Variants in ALCAM observed in about 807,000 individuals in gnomAD.
The protein encoded by ALCAM is CD166 antigen.
Under a neutral mutation model 70.9 loss-of-function variants are expected in ALCAM, and 30 were observed. The ratio of observed to expected loss-of-function variants is 0.42; its 90% CI spans 0.32 to 0.57. The LOEUF (loss-of-function observed/expected upper bound fraction) is 0.57, where lower values mean the gene tolerates loss of function less well. ALCAM is among the 20% of genes least tolerant of loss of function. ALCAM has a pLI of 0.11. For synonymous variants in ALCAM, 249 were observed against 242.5 expected (o/e 1.03, Z -0.25); for missense variants, 591 against 695.1 (o/e 0.85, Z 1.68).
At chr3:105,422,615 C>T (rs1036239054) in intron 1 of ALCAM, among the ~76,000 whole-genome samples, 5 of 151,458 alleles carry the variant, frequency 3.3e-5, no homozygotes, top group African/African-American at 7.3e-5. Flanking sequence ...ATGTGTGCAA[C>T]ATGCTAAATG....
At chr3:105,504,300 G>C (rs1478579703) in intron 1 of ALCAM, among the ~76,000 whole-genome samples, 1 of 152,232 alleles carries the variant, frequency 6.6e-6, no homozygotes, top group Non-Finnish European at 1.5e-5. Flanking sequence ...TAGGCGGCTT[G>C]TGTTAACCAG....
At chr3:105,462,908 C>G (rs746129152) in intron 1 of ALCAM, among the ~76,000 whole-genome samples, 1 of 151,332 alleles carries the variant, frequency 6.6e-6, no homozygotes, top group African/African-American at 2.4e-5. Flanking sequence ...AGGTAGTTTT[C>G]CAAGACATAC....
At chr3:105,448,570 A>G (rs1937349999) in intron 1 of ALCAM, among the ~76,000 whole-genome samples, 1 of 152,186 alleles carries the variant, frequency 6.6e-6, no homozygotes, top group Non-Finnish European at 1.5e-5. Flanking sequence ...CAGTAGAAGT[A>G]TTAACAGGAC....
At chr3:105,545,750 T>C (rs1402862148) in intron 9 of ALCAM, among the ~76,000 whole-genome samples, 2 of 151,408 alleles carry the variant, frequency 1.3e-5, no homozygotes, top group African/African-American at 4.8e-5. Flanking sequence ...TATAAAGAAA[T>C]TGAAGGGAAA....
intron 14 of ALCAM, among the ~76,000 whole-genome samples, chr3:105,557,520 G>A (rs377543724): frequency 2.8e-4 from 43 of 151,986 alleles, no homozygotes; most frequent in African/African-American, 1.0e-3. Flanking sequence ...CTATATATTC[G>A]TTTCATTTTT....
chr3:105,525,039 A>G, intron 3 of ALCAM: 1 of 877,060 alleles, frequency 1.1e-6, no homozygotes, highest in Non-Finnish European at 1.4e-6. Context: ...CCACATACAA[A>G]TATTTTATAT....
intron 1 of ALCAM, among the ~76,000 whole-genome samples, chr3:105,371,196 CTTG>C (rs1016684428): frequency 2.8e-4 from 42 of 152,138 alleles, no homozygotes; most frequent in African/African-American, 9.9e-4. Context: ...ATTAAATAGT[CTTG>C]TGTTATTAGA....
chr3:105,552,369 G>C, intron 13 of ALCAM, 99 bp from the exon 14 acceptor site: 1 of 1,363,980 alleles, frequency 7.3e-7, no homozygotes, highest in African/African-American at 1.4e-5. Flanking sequence ...TTACTGTAGT[G>C]AGCTTTAGTC....
intron 1 of ALCAM, among the ~76,000 whole-genome samples, chr3:105,427,632 C>T (rs1417193106): frequency 6.6e-6 from 1 of 151,830 alleles, no homozygotes; most frequent in Non-Finnish European, 1.5e-5. Flanking sequence ...GGGCTCTTAA[C>T]CCCTGAGCTT....
chr3:105,436,277 T>G (rs1335808328), intron 1 of ALCAM, among the ~76,000 whole-genome samples: 1 of 152,208 alleles, frequency 6.6e-6, no homozygotes, highest in Non-Finnish European at 1.5e-5. Flanking sequence ...GCCAGTGTAT[T>G]TTAGGATGGC....
chr3:105,515,187 T>C (rs1047706187), intron 1 of ALCAM, among the ~76,000 whole-genome samples: 3 of 152,138 alleles, frequency 2.0e-5, no homozygotes, highest in African/African-American at 7.2e-5. Context: ...TCCATGTGAT[T>C]GAATCATAAA....
chr3:105,457,464 T>C (rs993021080), intron 1 of ALCAM, among the ~76,000 whole-genome samples: 2 of 152,138 alleles, frequency 1.3e-5, no homozygotes, highest in South Asian at 4.1e-4. Flanking sequence ...GCTTAATCCC[T>C]GGGGGATGAA....
At chr3:105,548,993 T>C (rs1940320445) in intron 11 of ALCAM, among the ~76,000 whole-genome samples, 1 of 151,376 alleles carries the variant, frequency 6.6e-6, no homozygotes, top group African/African-American at 2.4e-5. Flanking sequence ...GATATGAAGA[T>C]TTAAAAGACC....
intron 3 of ALCAM, among the ~76,000 whole-genome samples, chr3:105,528,018 T>C (rs768820231): frequency 3.3e-5 from 5 of 152,144 alleles, no homozygotes; most frequent in Non-Finnish European, 7.4e-5. Context: ...TTGCTCACAG[T>C]AGTTGGCTTA....
At position 105,547,924 on chromosome 3, in the gene ALCAM, T is replaced by C. The variant is rs1052090456; in HGVS notation, c.1374+401T>C. Among the ~76,000 whole-genome samples, 7 of 151,532 alleles carry C rather than the reference T, an allele frequency of 4.6e-5. 1 individual carries two copies. Among genetic ancestry groups the C allele is most frequent in the Admixed American group, 2.6e-4 (4 of 15,154 alleles). On this transcript the variant is annotated intron_variant, in intron 11 of 15. Coordinates refer to ENST00000306107, the MANE Select transcript of ALCAM (RefSeq NM_001627.4). ...GTATAAGTGAACTCTAATACTGTGCTCAACTTATGCACATTAAGGGGTGTT... is the reference window on the plus strand; with the variant it reads ...GTATAAGTGAACTCTAATACTGTGCCCAACTTATGCACATTAAGGGGTGTT...
At chr3:105,515,855 A>G (rs1939367267) in intron 1 of ALCAM, among the ~76,000 whole-genome samples, 2 of 152,072 alleles carry the variant, frequency 1.3e-5, no homozygotes, top group Non-Finnish European at 2.9e-5. Flanking sequence ...AAAATATGAA[A>G]GTAATTTCTA....
chr3:105,547,657 T>A, intron 11 of ALCAM, 134 bp downstream of exon 11: 2 of 1,080,398 alleles, frequency 1.9e-6, no homozygotes. Flanking sequence ...CCACATAGAA[T>A]TTGCAGTACA....
At chr3:105,544,862 T>C in intron 8 of ALCAM, 1 of 227,644 alleles carries the variant, frequency 4.4e-6, no homozygotes, top group Non-Finnish European at 8.8e-6. Flanking sequence ...ACTGTCTCTT[T>C]ATATAATATT....
chr3:105,566,953 T>C (rs574763156), intron 14 of ALCAM, among the ~76,000 whole-genome samples: 2 of 152,192 alleles, frequency 1.3e-5, no homozygotes, highest in East Asian at 3.8e-4. Flanking sequence ...CTGGTGATAC[T>C]TTTTTCTACT....
Sources: allele counts gnomAD v4.1 joint callset (sites outside exome capture counted in the v4.1 genomes callset), GRCh38; gene constraint gnomAD v4.1.1; transcripts MANE v1.5; gene names NCBI Gene and HGNC (gene_info 2026-07-23, HGNC 2026-07-21).